The following ARL13B variants were observed in gnomAD, a reference collection of about 807,000 sequenced individuals.
ARL13B encodes the protein ADP-ribosylation factor-like protein 13B.
In ARL13B, 36 loss-of-function variants were observed where a neutral mutation model predicts 56.1. That is an observed-to-expected ratio of 0.64 (90% CI 0.49 to 0.85). The LOEUF (loss-of-function observed/expected upper bound fraction) is 0.85. Among genes scored for constraint, ARL13B ranks in the 40% least tolerant of loss-of-function variants. The pLI is 0.00. For synonymous variants in ARL13B, 178 were observed against 171.1 expected (o/e 1.04, Z -0.32); for missense variants, 519 against 507.1 (o/e 1.02, Z -0.23).
At chr3:94,008,524 T>C (rs2076170355) in intron 3 of ARL13B, among the ~76,000 whole-genome samples, 1 of 152,180 alleles carries the variant, frequency 6.6e-6, no homozygotes, top group Non-Finnish European at 1.5e-5. Context: ...CAAGGCATGA[T>C]TTGTTGATTA....
chr3:94,043,854 C>T lies in ARL13B; in HGVS notation c.1024+614C>T, dbSNP rs539461535. Among the ~76,000 whole-genome samples the T allele has an allele frequency of 2.7e-3, 405 of 149,446 alleles. 3 individuals carry two copies. Among genetic ancestry groups the T allele is most frequent in the African/African-American group, 9.7e-3 (391 of 40,498 alleles). ...TGTATTTTTGGTGGAGATGGGGTTT[C>T]GCCATGTTGACCGATCTGGTCTCCA... On this transcript the variant is annotated intron_variant, in intron 7 of 9. Transcript: ENST00000394222.
In ARL13B at chr3:94,054,161, CT is replaced by C; in HGVS notation, c.*902del. On this transcript the variant is annotated 3_prime_UTR_variant, in exon 10 of 10. Coordinates refer to ENST00000394222, the MANE Select transcript of ARL13B (RefSeq NM_001174150.2). ...TGTTCCATCAGAAGCTGCAGTGACT[CT>C]TTTAGGTGATTCTAATTCTTTCATG... The C allele has an allele frequency of 2.2e-6, 1 of 453,154 alleles. No homozygotes were observed. The highest frequency in any genetic ancestry group is 4.4e-6 in the Non-Finnish European group (1 of 226,230). 28.1% of individuals were successfully genotyped at this position (453,154 alleles called of 1,614,324 possible). A position where few individuals can be genotyped will look rare whatever the true frequency, so the allele number is the denominator to read the frequency against.
chr3:94,031,505 A>G (rs1318668682), intron 3 of ARL13B, among the ~76,000 whole-genome samples: 1 of 152,146 alleles, frequency 6.6e-6, no homozygotes, highest in Non-Finnish European at 1.5e-5. Flanking sequence ...AGACTGTTGG[A>G]GTTGTACCAA....
chr3:94,049,057 C>A (rs1560016522), intron 7 of ARL13B, among the ~76,000 whole-genome samples: 1 of 152,082 alleles, frequency 6.6e-6, no homozygotes, highest in South Asian at 2.1e-4. Flanking sequence ...TGAATAGCTT[C>A]TTTTCCCAGA....
intron 3 of ARL13B, chr3:94,014,821 A>T: frequency 6.2e-7 from 1 of 1,614,094 alleles, no homozygotes; most frequent in Non-Finnish European, 8.5e-7. Context: ...GTCATTGTAT[A>T]TAAACATGAT....
intron 1 of ARL13B, among the ~76,000 whole-genome samples, chr3:93,995,098 A>G (rs1423803515): frequency 9.2e-5 from 14 of 152,168 alleles, no homozygotes; most frequent in Non-Finnish European, 1.8e-4. Flanking sequence ...AGTTCAACCT[A>G]GAAAAGAAAT....
At position 93,980,200 on chromosome 3, in the gene ARL13B, C is replaced by T. The variant is rs1289545372; in HGVS notation, c.-224C>T. On this transcript the variant is annotated 5_prime_UTR_variant, in exon 1 of 10. Coordinates refer to ENST00000394222, the MANE Select transcript of ARL13B (RefSeq NM_001174150.2). ...CGCTAACTCGGCTACGGTGTATCTGCGTCTTTGGTCAGGTTGTTCCTTGGC... is the reference window on the plus strand; with the variant it reads ...CGCTAACTCGGCTACGGTGTATCTGTGTCTTTGGTCAGGTTGTTCCTTGGC... 5.7e-6 allele frequency: 4 copies of T among 698,460 alleles called. No individual in the cohort carries two copies. Among genetic ancestry groups the T allele is most frequent in the East Asian group, 2.7e-5 (1 of 36,984 alleles). The allele number at this position is 698,460 out of a possible 1,614,324, so 43.3% of individuals were successfully genotyped here.
At chr3:94,025,444 T>C (rs2076536311) in intron 3 of ARL13B, among the ~76,000 whole-genome samples, 1 of 152,228 alleles carries the variant, frequency 6.6e-6, no homozygotes, top group African/African-American at 2.4e-5. Flanking sequence ...GTATTTCTTT[T>C]GAACATTTAG....
At chr3:93,993,446 G>T in intron 1 of ARL13B, among the ~76,000 whole-genome samples, 1 of 151,976 alleles carries the variant, frequency 6.6e-6, no homozygotes, top group East Asian at 1.9e-4. Context: ...TTTGAGACAG[G>T]GTCTTACTGT....
intron 1 of ARL13B, chr3:93,988,881 C>T (rs1012586928): frequency 3.3e-5 from 12 of 364,216 alleles, no homozygotes; most frequent in East Asian, 7.8e-5. Context: ...CTGACAAGTG[C>T]GCAGATCTCC....
At chr3:94,053,157 T>C (rs760904504) in intron 9 of ARL13B, 30 bp from the exon 10 acceptor site, 1 of 1,575,320 alleles carries the variant, frequency 6.3e-7, no homozygotes, top group Admixed American at 1.7e-5. Flanking sequence ...CATAACTGTT[T>C]TGTGCATTTG....
At chr3:93,992,967 ATTTTTTT>A (rs137978294) in intron 1 of ARL13B, among the ~76,000 whole-genome samples, 24 of 114,542 alleles carry the variant, frequency 2.1e-4, no homozygotes, top group Admixed American at 1.7e-3. Context: ...TAATTTTTGT[ATTTTTTT>A]TTTTTTTTTT....
intron 6 of ARL13B, 45 bp downstream of exon 6, chr3:94,040,033 T>C (rs770848371): frequency 1.9e-6 from 3 of 1,543,468 alleles, no homozygotes; most frequent in African/African-American, 1.4e-5. Flanking sequence ...AAGTTATAAG[T>C]TGGAACTTGG....
At chr3:94,032,461 T>A (rs2076692715) in intron 3 of ARL13B, among the ~76,000 whole-genome samples, 1 of 152,204 alleles carries the variant, frequency 6.6e-6, no homozygotes, top group East Asian at 1.9e-4. Context: ...GGAATGTAAA[T>A]TAGTACAATC....
At chr3:93,992,733 T>C (rs1274312715) in intron 1 of ARL13B, among the ~76,000 whole-genome samples, 1 of 152,206 alleles carries the variant, frequency 6.6e-6, no homozygotes, top group Non-Finnish European at 1.5e-5. Context: ...AGCATTACTT[T>C]AGTCCAATTC....
At chr3:94,046,459 A>T (rs1278418644) in intron 7 of ARL13B, among the ~76,000 whole-genome samples, 2 of 151,988 alleles carry the variant, frequency 1.3e-5, no homozygotes, top group Non-Finnish European at 2.9e-5. Flanking sequence ...TGCTTTCTGA[A>T]CTCAACGTCA....
intron 7 of ARL13B, among the ~76,000 whole-genome samples, chr3:94,046,531 G>A (rs950738541): frequency 6.6e-6 from 1 of 151,770 alleles, no homozygotes; most frequent in African/African-American, 2.4e-5. Context: ...TTATTGCTCT[G>A]AGGTAGTCCA....
intron 3 of ARL13B, chr3:94,015,131 C>T (rs773291407): frequency 4.3e-6 from 7 of 1,613,982 alleles, no homozygotes; most frequent in Non-Finnish European, 5.1e-6. Context: ...TGTCTCTCAG[C>T]TACAGGCTCT....
chr3:94,022,891 A>G (rs1039196632), intron 3 of ARL13B, among the ~76,000 whole-genome samples: 3 of 152,044 alleles, frequency 2.0e-5, no homozygotes, highest in Non-Finnish European at 4.4e-5. Context: ...TTGTACATAC[A>G]TCACTAATTC....
Sources: allele counts gnomAD v4.1 joint callset (sites outside exome capture counted in the v4.1 genomes callset), GRCh38; gene constraint gnomAD v4.1.1; transcripts MANE v1.5; gene names NCBI Gene and HGNC (gene_info 2026-07-23, HGNC 2026-07-21).